The following OLFML2B variants were observed in gnomAD, a reference collection of about 807,000 sequenced individuals.
The protein encoded by OLFML2B is olfactomedin-like protein 2B.
Under a neutral mutation model 74.9 loss-of-function variants are expected in OLFML2B, and 57 were observed. That is an observed-to-expected ratio of 0.76 (90% CI 0.61 to 0.95). OLFML2B has a LOEUF of 0.95. OLFML2B is among the 40% of genes least tolerant of loss of function. OLFML2B has a pLI of 0.00. For synonymous variants in OLFML2B, 388 were observed against 405.8 expected (o/e 0.96, Z 0.53); for missense variants, 986 against 970.6 (o/e 1.02, Z -0.21).
At chr1:161,985,786 C>T (rs1689577805) in intron 6 of OLFML2B, among the ~76,000 whole-genome samples, 1 of 152,158 alleles carries the variant, frequency 6.6e-6, no homozygotes, top group Non-Finnish European at 1.5e-5. Flanking sequence ...ATACCAAGTT[C>T]TTGAATAAGG....
At chr1:162,019,195 G>A (rs1034518858) in intron 2 of OLFML2B, among the ~76,000 whole-genome samples, 1 of 152,184 alleles carries the variant, frequency 6.6e-6, no homozygotes, top group Non-Finnish European at 1.5e-5. Flanking sequence ...GTCTGGTATC[G>A]TGCCAAGTAC....
rs1357106915 is a variant in OLFML2B, at chr1:162,006,257, A to C, written c.723+40T>G. 2.0e-6 allele frequency: 3 copies of C among 1,506,084 alleles called. No homozygotes were observed. The East Asian group carries it at 7.0e-5, about 35-fold the overall frequency. 93.3% of individuals were successfully genotyped at this position (1,506,084 alleles called of 1,614,324 possible). On this transcript the variant is annotated intron_variant, in intron 4 of 7. Coordinates refer to ENST00000294794, the MANE Select transcript of OLFML2B (RefSeq NM_015441.3). ...GGAGAGATGCTGATATCACACTTCC[A>C]GGGCTTGTGATCAGAGGCCCTTGGA...
At chr1:162,007,333 G>A (rs1690263070) in intron 3 of OLFML2B, among the ~76,000 whole-genome samples, 1 of 152,220 alleles carries the variant, frequency 6.6e-6, no homozygotes. Flanking sequence ...TTCAGAGCAG[G>A]AGGAAAGTGG....
chr1:162,000,167 T>A lies in OLFML2B; in HGVS notation c.895A>T (p.Ile299Phe). ...PASQPTVIRG[I>F]TYYKAKVSEE... Reference sequence around the variant, plus strand: ...GAGACCTTGGCTTTATAGTAGGTGATGCCCCGGATGACAGTGGGCTGGGAG... The same window carrying A: ...GAGACCTTGGCTTTATAGTAGGTGAAGCCCCGGATGACAGTGGGCTGGGAG... The change falls in exon 5 of 8, where the codon ATC (isoleucine) becomes TTC (phenylalanine). Residue 299 changes from isoleucine (I) to phenylalanine (F), a missense_variant. Transcript: ENST00000294794. The A allele has an allele frequency of 1.9e-6, 3 of 1,613,064 alleles. No individual in the cohort carries two copies. Among genetic ancestry groups the A allele is most frequent in the Non-Finnish European group, 2.5e-6 (3 of 1,179,224 alleles).
At chr1:161,989,727 G>C (rs1356902702) in intron 6 of OLFML2B, among the ~76,000 whole-genome samples, 1 of 152,204 alleles carries the variant, frequency 6.6e-6, no homozygotes, top group East Asian at 1.9e-4. Flanking sequence ...TGTGAGCAGA[G>C]GAGAATGCAA....
At position 162,023,613 on chromosome 1, in the gene OLFML2B, C is replaced by A; in HGVS notation, c.-183G>T. ...GCGCCCCAGAGACTCTGGGCATCTC[C>A]TTCCCGACGCGAGCAGCCCTCGACT... is the stretch of plus-strand genomic sequence containing the variant. On this transcript the variant is annotated 5_prime_UTR_variant, in exon 1 of 8. In the 5' UTR this introduces an upstream ATG that the reference lacks. Coordinates refer to ENST00000294794, the MANE Select transcript of OLFML2B (RefSeq NM_015441.3). The A allele has an allele frequency of 2.1e-6, 1 of 478,836 alleles. No homozygotes were observed. 29.7% of individuals were successfully genotyped at this position (478,836 alleles called of 1,614,324 possible). A position where few individuals can be genotyped will look rare whatever the true frequency, so the allele number is the denominator to read the frequency against.
intron 2 of OLFML2B, among the ~76,000 whole-genome samples, chr1:162,019,594 G>A (rs1690639395): frequency 6.6e-6 from 1 of 152,194 alleles, no homozygotes. Context: ...TGGGGTGTGT[G>A]CTAGGCTGAT....
intron 6 of OLFML2B, among the ~76,000 whole-genome samples, chr1:161,990,741 A>C (rs939687867): frequency 6.6e-6 from 1 of 152,200 alleles, no homozygotes; most frequent in Non-Finnish European, 1.5e-5. Context: ...CTTTCATGAA[A>C]GATTTCTCTG....
In OLFML2B at chr1:161,986,341, G is replaced by A. The variant is rs10918376; in HGVS notation, c.1475-1361C>T. ...ATCCGTTCCATCTACTCTGCTCCCC[G>A]CAGTGGTTTGAGGAAGGAGTCCAAG... On this transcript the variant is annotated intron_variant, in intron 6 of 7. Transcript: ENST00000294794. Among the ~76,000 whole-genome samples the A allele has an allele frequency of 3.7e-3, 570 of 152,260 alleles. 4 individuals carry two copies. Among genetic ancestry groups the A allele is most frequent in the East Asian group, 0.014 (72 of 5,168 alleles).
chr1:162,010,869 T>A (rs141869076), intron 3 of OLFML2B, among the ~76,000 whole-genome samples: 2 of 152,080 alleles, frequency 1.3e-5, no homozygotes, highest in East Asian at 1.9e-4. Flanking sequence ...AAAGAAGGAA[T>A]GATGACACCT....
chr1:162,016,126 T>C (rs1043483758), intron 3 of OLFML2B, among the ~76,000 whole-genome samples: 1 of 152,246 alleles, frequency 6.6e-6, no homozygotes, highest in Non-Finnish European at 1.5e-5. Flanking sequence ...TGTTTCATCA[T>C]CTTTGTGCCA....
intron 4 of OLFML2B, among the ~76,000 whole-genome samples, chr1:162,005,443 C>T (rs753335279): frequency 1.1e-4 from 16 of 152,172 alleles, no homozygotes; most frequent in Non-Finnish European, 2.1e-4. Flanking sequence ...TATTGATCTC[C>T]GTCTGGCCTG....
rs146150274 is a variant in OLFML2B at position 162,017,970 on chromosome 1, T to C, written c.439-463A>G. On this transcript the variant is annotated intron_variant, in intron 2 of 7. Coordinates refer to ENST00000294794, the MANE Select transcript of OLFML2B (RefSeq NM_015441.3). ...TGCAGCCATGAAAAAAATGAGATCA[T>C]GTCTTTTATGGGAACATGGATGGAG... 7.2e-4 allele frequency among the ~76,000 whole-genome samples: 109 copies of C among 152,316 alleles called. 1 individual carries two copies. In the East Asian group the frequency reaches 0.02, roughly 29 times the overall value.
chr1:161,996,519 G>A (rs976669724), intron 6 of OLFML2B, among the ~76,000 whole-genome samples: 2 of 152,224 alleles, frequency 1.3e-5, no homozygotes, highest in Admixed American at 6.5e-5. Context: ...AAAAATGGGA[G>A]AAGGGAAAGA....
intron 6 of OLFML2B, chr1:161,985,268 C>T (rs1185213128): frequency 1.3e-5 from 4 of 303,606 alleles, no homozygotes; most frequent in African/African-American, 2.2e-5. Flanking sequence ...ACCTAAGATC[C>T]AGAGTCCTTT....
intron 4 of OLFML2B, among the ~76,000 whole-genome samples, chr1:162,002,171 A>G (rs935772665): frequency 6.6e-6 from 1 of 152,216 alleles, no homozygotes. Flanking sequence ...GCCACCCCAC[A>G]GGTGGGTCCA....
At chr1:162,018,779 T>C (rs147550487) in intron 2 of OLFML2B, among the ~76,000 whole-genome samples, 74 of 152,372 alleles carry the variant, frequency 4.9e-4, no homozygotes, top group African/African-American at 1.6e-3. Context: ...GCCTAGCTTC[T>C]ACATGAAGAA....
At chr1:161,990,792 G>A (rs953852356) in intron 6 of OLFML2B, among the ~76,000 whole-genome samples, 2 of 152,180 alleles carry the variant, frequency 1.3e-5, no homozygotes, top group African/African-American at 2.4e-5. Flanking sequence ...CCCCATAGTA[G>A]AACTTCTTTC....
intron 7 of OLFML2B, 138 bp downstream of exon 7, chr1:161,984,666 A>G (rs1007896502): frequency 1.2e-5 from 11 of 916,930 alleles, no homozygotes; most frequent in Non-Finnish European, 1.9e-5. Context: ...ACCGCTCTCC[A>G]AGGAAAGGTC....
Sources: gnomAD v4.1 joint callset for allele counts (sites outside exome capture counted in the v4.1 genomes callset) on GRCh38, gnomAD v4.1.1 for gene constraint, MANE v1.5 for transcripts, NCBI Gene and HGNC (gene_info 2026-07-23, HGNC 2026-07-21) for gene names.